Variants in CACNA1G observed in about 807,000 individuals in gnomAD.
The protein encoded by CACNA1G is voltage-dependent T-type calcium channel subunit alpha-1G.
Under a neutral mutation model 219.4 loss-of-function variants are expected in CACNA1G, and 67 were observed. The observed-to-expected ratio is 0.31, with a 90% CI of 0.25 to 0.37. CACNA1G has a LOEUF of 0.37. Among genes scored for constraint, CACNA1G ranks in the 10% least tolerant of loss-of-function variants. The pLI is 1.00. For missense variants in CACNA1G, 2,380 were observed against 3,231.4 expected (o/e 0.74, Z 6.39); for synonymous variants, 1,296 against 1,345.3 (o/e 0.96, Z 0.80).
intron 22 of CACNA1G, among the ~76,000 whole-genome samples, chr17:50,604,807 G>T (rs1304097169): frequency 1.3e-5 from 2 of 152,230 alleles, no homozygotes; most frequent in East Asian, 3.8e-4. Context: ...CTGCCTGCAG[G>T]ATTCAGCAGA....
At chr17:50,616,637 T>C (rs929106059) in intron 28 of CACNA1G, among the ~76,000 whole-genome samples, 1 of 152,136 alleles carries the variant, frequency 6.6e-6, no homozygotes, top group African/African-American at 2.4e-5. Context: ...CAGTGTGACC[T>C]AGCCTGGGGC....
At position 50,624,004 on chromosome 17, in the gene CACNA1G, T is replaced by C. The variant is rs763647753; in HGVS notation, c.6158T>C (p.Met2053Thr). Residue 2053 changes from methionine (M) to threonine (T), a missense_variant, in exon 36 of 38, where the codon ATG (methionine) becomes ACG (threonine). By Grantham distance (81) the Met-to-Thr change is moderately conservative. Around this residue, in one of 17 missense-constraint regions of CACNA1G, gnomAD observed 672 missense variants for 670.5 expected, o/e 1.00. Coordinates refer to ENST00000359106, the MANE Select transcript of CACNA1G (RefSeq NM_018896.5). ...RTHSLPNDSYMCRHGSTAEGP... is the reference protein window; with the variant it reads ...RTHSLPNDSYTCRHGSTAEGP... ...CACTCTCTGCCCAATGACAGCTACA[T>C]GTGTCGGCATGGGAGCACTGCCGAG... 6.2e-7 allele frequency: 1 copy of C among 1,613,074 alleles called. No homozygotes were observed. Among genetic ancestry groups the C allele is most frequent in the South Asian group, 1.1e-5 (1 of 91,082 alleles).
Position 50,591,534 on chromosome 17 carries a change from G to A in CACNA1G, c.2553G>A (p.Leu851=), listed in dbSNP as rs202068715. 4 of 1,612,118 alleles carry A rather than the reference G, an allele frequency of 2.5e-6. No homozygotes were observed. The highest frequency in any genetic ancestry group is 1.3e-5 in the African/African-American group (1 of 75,032). ...VLKLVRFLPA[L]QRQLVVLMKT... ...AGCTGGTGCGCTTCCTGCCGGCGCT[G>A]CAGCGGCAGCTGGTGGTGCTCATGA... The change falls in exon 11 of 38, where the codon CTG becomes CTA. Residue 851 remains leucine (L), a synonymous_variant. Transcript: ENST00000359106.
At position 50,576,036 on chromosome 17, in the gene CACNA1G, C is replaced by T. The variant is rs745634077; in HGVS notation, c.1634C>T (p.Ala545Val). 1.1e-5 allele frequency: 17 copies of T among 1,568,344 alleles called. No homozygotes were observed. The highest frequency in any genetic ancestry group is 1.7e-4 in the Middle Eastern group (1 of 6,012). ...PPPSTPALSGAPPGGAESVHS... is the reference protein window; with the variant it reads ...PPPSTPALSGVPPGGAESVHS... ...CCCTCGACGCCTGCCCTCTCCGGGG[C>T]CCCCCCTGGTGGCGCAGAGTCTGTG... Residue 545 changes from alanine (A) to valine (V), a missense_variant, in exon 8 of 38, where the codon GCC (alanine) becomes GTC (valine). By Grantham distance (64) the Ala-to-Val change is moderately conservative. Transcript: ENST00000359106.
rs572558353 is a variant in CACNA1G at position 50,618,974 on chromosome 17, G to T, written c.5747G>T (p.Arg1916Ile). 10 of 1,547,456 alleles carry T rather than the reference G, an allele frequency of 6.5e-6. No homozygotes were observed. The highest frequency in any genetic ancestry group is 4.5e-5 in the East Asian group (2 of 44,222). ...PGALHPAAHARSASHFSLEHP... is the reference protein window; with the variant it reads ...PGALHPAAHAISASHFSLEHP... ...GCTCTGCACCCAGCGGCCCACGCGA[G>T]ATCAGCCTCCCACTTTTCCCTGGAG... Residue 1916 changes from arginine (R) to isoleucine (I), a missense_variant, in exon 33 of 38, where the codon AGA (arginine) becomes ATA (isoleucine). Physicochemically the swap from Arg to Ile is moderately conservative, Grantham distance 97. Transcript: ENST00000359106. This position sits in a 1 kb window ranked among gnomAD's most constrained non-coding sequence, Gnocchi z 5.3.
chr17:50,601,007 T>C (rs1468585037), intron 18 of CACNA1G, 44 bp from the exon 19 acceptor site: 1 of 1,604,292 alleles, frequency 6.2e-7, no homozygotes, highest in Admixed American at 1.7e-5. Flanking sequence ...CGTTGCCACC[T>C]GCCCTGCCTC....
intron 1 of CACNA1G, among the ~76,000 whole-genome samples, chr17:50,568,259 C>T (rs1269097533): frequency 6.6e-6 from 1 of 151,946 alleles, no homozygotes; most frequent in Non-Finnish European, 1.5e-5. Context: ...AGATCAGGAG[C>T]TTGGAAACCA....
intron 22 of CACNA1G, among the ~76,000 whole-genome samples, chr17:50,604,904 T>G (rs1019723191): frequency 7.9e-5 from 12 of 152,300 alleles, no homozygotes; most frequent in Admixed American, 5.9e-4. Flanking sequence ...GACAGCTGGC[T>G]GTTCAGGCAG....
chr17:50,596,835 G>T lies in CACNA1G; in HGVS notation c.3170G>T (p.Gly1057Val). The T allele has an allele frequency of 1.9e-6, 3 of 1,607,306 alleles. No homozygotes were observed. The highest frequency in any genetic ancestry group is 2.2e-5 in the East Asian group (1 of 44,606). ...PMSLPKSTSTGLGEALGPASR... is the reference protein window; with the variant it reads ...PMSLPKSTSTVLGEALGPASR... ...TCGCTGCCCAAGAGCACCAGCACGGGCCTGGGCGAGGCGCTGGGCCCTGCG... is the reference window on the plus strand; with the variant it reads ...TCGCTGCCCAAGAGCACCAGCACGGTCCTGGGCGAGGCGCTGGGCCCTGCG... Residue 1057 changes from glycine to valine, a missense_variant, in exon 16 of 38, where the codon GGC becomes GTC. Coordinates refer to ENST00000359106, the MANE Select transcript of CACNA1G (RefSeq NM_018896.5). The surrounding 1 kb of genome is among the most constrained non-coding windows in gnomAD (Gnocchi z 4.8).
At chr17:50,616,598 G>A (rs2050658444) in intron 28 of CACNA1G, among the ~76,000 whole-genome samples, 1 of 152,156 alleles carries the variant, frequency 6.6e-6, no homozygotes, top group Non-Finnish European at 1.5e-5. Flanking sequence ...TGACAAGACA[G>A]GGCCTGGGGG....
chr17:50,609,803 G>A (rs1413241180), intron 25 of CACNA1G, 79 bp from the exon 26 acceptor site: 2 of 1,314,346 alleles, frequency 1.5e-6, no homozygotes, highest in East Asian at 2.4e-5. Context: ...GGTGGGAGCT[G>A]AGGGGAAGCC....
chr17:50,621,707 G>A lies in CACNA1G; in HGVS notation c.5973G>A (p.Val1991=). The A allele has an allele frequency of 1.9e-6, 3 of 1,613,986 alleles. No homozygotes were observed. The highest frequency in any genetic ancestry group is 2.5e-6 in the Non-Finnish European group (3 of 1,179,856). The change falls in exon 35 of 38, where the codon GTG becomes GTA. Residue 1991 remains valine, a synonymous_variant. Coordinates refer to ENST00000359106, the MANE Select transcript of CACNA1G (RefSeq NM_018896.5). This position sits in a 1 kb window ranked among gnomAD's most constrained non-coding sequence, Gnocchi z 4.6. ...CTCTGTCTCTGACGTCAGAGATTGT[G>A]TCTGAACCGTCCTGCTCTCTAGCTC... ...MEALSLTSEI[V]SEPSCSLALT...
At chr17:50,610,815 G>A (rs1022688797) in intron 26 of CACNA1G, among the ~76,000 whole-genome samples, 24 of 152,144 alleles carry the variant, frequency 1.6e-4, no homozygotes, top group African/African-American at 3.4e-4. Flanking sequence ...AATCAGAGGC[G>A]CATCTAATTG....
chr17:50,622,285 T>C (rs1598811515), intron 35 of CACNA1G, among the ~76,000 whole-genome samples: 1 of 151,966 alleles, frequency 6.6e-6, no homozygotes, highest in East Asian at 1.9e-4. Context: ...GCGCTGTTCC[T>C]GTCTCCTCCG....
At chr17:50,625,462 T>C (rs2053520659) in intron 37 of CACNA1G, among the ~76,000 whole-genome samples, 1 of 152,206 alleles carries the variant, frequency 6.6e-6, no homozygotes. Flanking sequence ...AGTGGAGACA[T>C]GCCTGCCATC....
intron 13 of CACNA1G, among the ~76,000 whole-genome samples, chr17:50,594,276 G>T (rs1171644627): frequency 6.6e-6 from 1 of 152,222 alleles, no homozygotes; most frequent in African/African-American, 2.4e-5. Context: ...CAGGCCCTGT[G>T]TGAGGCCATT....
At chr17:50,590,109 G>A (rs1331636173) in intron 9 of CACNA1G, among the ~76,000 whole-genome samples, 1 of 152,168 alleles carries the variant, frequency 6.6e-6, no homozygotes, top group Admixed American at 6.5e-5. Context: ...TTGTCATGCT[G>A]CTGGCCTGGG....
chr17:50,624,570 G>A (rs1246039267), intron 37 of CACNA1G, 41 bp downstream of exon 37: 3 of 1,510,154 alleles, frequency 2.0e-6, no homozygotes, highest in South Asian at 2.5e-5. Flanking sequence ...CTGGGGGCTG[G>A]ACCCTCTGCT....
At chr17:50,616,250 T>A in intron 27 of CACNA1G, 25 bp from the exon 28 acceptor site, 1 of 1,452,666 alleles carries the variant, frequency 6.9e-7, no homozygotes, top group South Asian at 1.1e-5. Flanking sequence ...TAAGGGACCC[T>A]GCATCTTGCC....
Sources: gnomAD v4.1 joint callset for allele counts (sites outside exome capture counted in the v4.1 genomes callset) on GRCh38, gnomAD v4.1.1 for gene constraint, gnomAD v4.1.1 regional missense constraint, Gnocchi (gnomAD v3.1) non-coding constraint, MANE v1.5 for transcripts, NCBI Gene and HGNC (gene_info 2026-07-23, HGNC 2026-07-21) for gene names.